PLAC9: variants seen among roughly 807,000 people sequenced by gnomAD.
PLAC9 encodes the protein placenta associated 9, also known as placenta-specific protein 9.
PLAC9 carries 12 observed loss-of-function variants against 11.5 expected under a neutral mutation model. That is an observed-to-expected ratio of 1.05 (90% confidence interval 0.67 to 1.69). The LOEUF (loss-of-function observed/expected upper bound fraction) is 1.69. Among genes scored for constraint, PLAC9 ranks in the 40% most tolerant of loss-of-function variants. PLAC9 has a pLI of 0.00. For synonymous variants in PLAC9, 62 were observed against 58.1 expected (o/e 1.07, Z -0.31); for missense variants, 132 against 130.5 (o/e 1.01, Z -0.06).
intron 2 of PLAC9, among the ~76,000 whole-genome samples, chr10:80,142,623 T>G (rs1845053509): frequency 6.6e-6 from 1 of 152,240 alleles, no homozygotes; most frequent in South Asian, 2.1e-4. Context: ...CTTCTAGTTA[T>G]GAATATCTCA....
At chr10:80,140,886 C>T (rs768914077) in intron 1 of PLAC9, among the ~76,000 whole-genome samples, 1 of 152,194 alleles carries the variant, frequency 6.6e-6, no homozygotes, top group Non-Finnish European at 1.5e-5. Flanking sequence ...CCTCCAGCCT[C>T]TTCAGCCCCC....
rs200320969 is a variant in PLAC9, at chr10:80,135,187, A to AT, written c.64+2369dup. On this transcript the variant is annotated intron_variant, in intron 1 of 3. Transcript: ENST00000372263. ...GACGGCTGCAACCATGCCCGGCTAA[A>AT]TTTTTTTTGTATTTTTAGTAGACAT... Among the ~76,000 whole-genome samples the AT allele has an allele frequency of 6.3e-3, 950 of 150,772 alleles. 6 individuals carry two copies. The highest frequency in any genetic ancestry group is 0.022 in the African/African-American group (903 of 41,038).
At chr10:80,141,598 CAAAA>C (rs1325749945) in intron 1 of PLAC9, among the ~76,000 whole-genome samples, 139 of 150,620 alleles carry the variant, frequency 9.2e-4, no homozygotes, top group African/African-American at 2.4e-3. Flanking sequence ...GACTCCATCT[CAAAA>C]CAAACAAACA....
intron 1 of PLAC9, among the ~76,000 whole-genome samples, chr10:80,140,355 G>T (rs1832061038): frequency 6.6e-6 from 1 of 152,018 alleles, no homozygotes; most frequent in South Asian, 2.1e-4. Context: ...TCATCTCATG[G>T]TAATCCAAAC....
intron 2 of PLAC9, among the ~76,000 whole-genome samples, chr10:80,143,241 AC>A (rs1845061291): frequency 1.4e-5 from 2 of 143,918 alleles, no homozygotes; most frequent in African/African-American, 5.3e-5. Context: ...AATTTTTTGT[AC>A]CTCTGGTAGA....
intron 1 of PLAC9, among the ~76,000 whole-genome samples, chr10:80,133,910 A>G (rs528903966): frequency 1.3e-5 from 2 of 149,028 alleles, no homozygotes; most frequent in South Asian, 2.2e-4. Flanking sequence ...AGCCACCGCA[A>G]TCCAGCCTGG....
At chr10:80,134,789 A>C (rs1189767263) in intron 1 of PLAC9, among the ~76,000 whole-genome samples, 2 of 152,044 alleles carry the variant, frequency 1.3e-5, no homozygotes, top group African/African-American at 2.4e-5. Flanking sequence ...CATTTGGTCA[A>C]TATGTCTGTT....
intron 3 of PLAC9, 51 bp downstream of exon 3, chr10:80,144,394 G>A (rs753016992): frequency 6.6e-7 from 1 of 1,526,286 alleles, no homozygotes; most frequent in South Asian, 1.2e-5. Context: ...GTCATCTGGC[G>A]CTGGGCAGGC....
chr10:80,131,911 G>A (rs1044543709), upstream of PLAC9: 3 of 152,248 alleles, frequency 2.0e-5, no homozygotes, highest in Non-Finnish European at 2.9e-5. Context: ...ACAGCCAGAC[G>A]AGACACTCAC....
At position 80,145,305 on chromosome 10, in the gene PLAC9, A is replaced by T; in HGVS notation, c.*395A>T. On this transcript the variant is annotated 3_prime_UTR_variant, in exon 4 of 4. Coordinates refer to ENST00000372263, the MANE Select transcript of PLAC9 (RefSeq NM_001012973.3). ...TTTAATCCAAATCTGCATTGCAATG[A>T]GACCCCCAGGGATTTTATGTGTCCA... 1 of 322,220 alleles carries T rather than the reference A, an allele frequency of 3.1e-6. No homozygotes were observed. The highest frequency in any genetic ancestry group is 5.7e-6 in the Non-Finnish European group (1 of 175,802). The allele number at this position is 322,220 out of a possible 1,614,324, so 20.0% of individuals were successfully genotyped here.
At chr10:80,144,756 C>T (rs2132340046) in intron 3 of PLAC9, 144 bp from the exon 4 acceptor site, 1 of 849,942 alleles carries the variant, frequency 1.2e-6, no homozygotes, top group East Asian at 2.7e-5. Context: ...TGGGGTTGCA[C>T]TCTGCTCTCT....
chr10:80,144,708 C>G (rs1461781310), intron 3 of PLAC9, among the ~76,000 whole-genome samples, 192 bp from the exon 4 acceptor site: 1 of 152,216 alleles, frequency 6.6e-6, no homozygotes, highest in Admixed American at 6.5e-5. Context: ...CCAAAACTCT[C>G]GCAGGGAAGA....
intron 1 of PLAC9, 124 bp from the exon 2 acceptor site, chr10:80,141,958 C>T: frequency 1.8e-6 from 1 of 566,898 alleles, no homozygotes; most frequent in Non-Finnish European, 3.0e-6. Flanking sequence ...CCCACCTGGG[C>T]CGTCCTCCGC....
At chr10:80,133,397 C>T (rs780713079) in intron 1 of PLAC9, among the ~76,000 whole-genome samples, 9 of 152,196 alleles carry the variant, frequency 5.9e-5, no homozygotes, top group Non-Finnish European at 1.3e-4. Flanking sequence ...CTTTATAGGA[C>T]ATTGCATAAG....
chr10:80,138,253 C>A (rs539140074), intron 1 of PLAC9, among the ~76,000 whole-genome samples: 1 of 152,268 alleles, frequency 6.6e-6, no homozygotes, highest in African/African-American at 2.4e-5. Flanking sequence ...GCATGCCTCT[C>A]CACCATCCCC....
intron 1 of PLAC9, 80 bp from the exon 2 acceptor site, chr10:80,142,002 T>G: frequency 8.3e-7 from 1 of 1,210,982 alleles, no homozygotes; most frequent in Non-Finnish European, 1.2e-6. Context: ...ACTGACCTCA[T>G]TTGAGCCCAG....
chr10:80,137,667 C>A (rs1844995640), intron 1 of PLAC9, among the ~76,000 whole-genome samples: 1 of 152,156 alleles, frequency 6.6e-6, no homozygotes, highest in South Asian at 2.1e-4. Context: ...ATAATCCCAG[C>A]ACTTTGGGAG....
chr10:80,134,153 A>G (rs573821828), intron 1 of PLAC9, among the ~76,000 whole-genome samples: 39 of 150,524 alleles, frequency 2.6e-4, no homozygotes, highest in African/African-American at 9.2e-4. Context: ...TGCTTCAAGA[A>G]GTATCAGTTC....
intron 1 of PLAC9, among the ~76,000 whole-genome samples, chr10:80,139,147 T>C (rs1417604295): frequency 6.6e-6 from 1 of 151,728 alleles, no homozygotes; most frequent in Non-Finnish European, 1.5e-5. Flanking sequence ...AGAGACGGGG[T>C]TTCACCGTGT....
Sources: gnomAD v4.1 joint callset for allele counts (sites outside exome capture counted in the v4.1 genomes callset) on GRCh38, gnomAD v4.1.1 for gene constraint, MANE v1.5 for transcripts, NCBI Gene and HGNC (gene_info 2026-07-23, HGNC 2026-07-21) for gene names.